Variants in TSNAX observed in about 807,000 individuals in gnomAD.
The protein encoded by TSNAX is translin associated factor X.
A neutral mutation model predicts 33.0 loss-of-function variants in TSNAX; 12 were observed. The ratio of observed to expected loss-of-function variants is 0.36; its 90% CI spans 0.23 to 0.59. TSNAX has a LOEUF of 0.59. TSNAX is among the 20% of genes least tolerant of loss of function. The pLI is 0.74. For missense variants in TSNAX, 267 were observed against 341.3 expected, an observed-to-expected ratio of 0.78 and a Z score of 1.72; for synonymous variants, 110 against 117.2, an observed-to-expected ratio of 0.94 and a Z score of 0.40.
intron 2 of TSNAX, among the ~76,000 whole-genome samples, chr1:231,531,339 G>C (rs933665316): frequency 6.6e-6 from 1 of 152,104 alleles, no homozygotes; most frequent in Non-Finnish European, 1.5e-5. Context: ...AAGCCGACTT[G>C]GTGACCAACA....
At chr1:231,536,592 ATAT>A (rs1659191060) in intron 2 of TSNAX, 1 of 152,192 alleles carries the variant, frequency 6.6e-6, no homozygotes. Context: ...AAATTATTAG[ATAT>A]TTAGTTTTAA....
At chr1:231,543,252 A>G (rs1659694113) in intron 4 of TSNAX, among the ~76,000 whole-genome samples, 1 of 151,814 alleles carries the variant, frequency 6.6e-6, no homozygotes, top group Non-Finnish European at 1.5e-5. Context: ...ATAAATGTAT[A>G]AAGTGCTTGG....
chr1:231,538,456 C>T (rs1444435431), intron 3 of TSNAX, among the ~76,000 whole-genome samples: 1 of 152,198 alleles, frequency 6.6e-6, no homozygotes, highest in Non-Finnish European at 1.5e-5. Context: ...TCTCCATCTT[C>T]CATCTTTGCT....
intron 2 of TSNAX, chr1:231,534,233 T>TG (rs1220539064): frequency 6.6e-6 from 1 of 152,150 alleles, no homozygotes. Context: ...TTGTTCTTTT[T>TG]GGGGGTATTG....
chr1:231,559,985 A>ATTATTT (rs1553268936), intron 4 of TSNAX, among the ~76,000 whole-genome samples: 1 of 142,344 alleles, frequency 7.0e-6, no homozygotes, highest in Admixed American at 7.0e-5. Flanking sequence ...TATTATTATT[A>ATTATTT]TTTTTTTTTT....
chr1:231,541,590 A>G (rs1358058214), intron 3 of TSNAX, among the ~76,000 whole-genome samples: 1 of 116,594 alleles, frequency 8.6e-6, no homozygotes, highest in Non-Finnish European at 1.7e-5. Flanking sequence ...TTTAAAAATA[A>G]GAAAAATATT....
At chr1:231,539,536 C>T (rs1157885041) in intron 3 of TSNAX, among the ~76,000 whole-genome samples, 1 of 152,112 alleles carries the variant, frequency 6.6e-6, no homozygotes, top group African/African-American at 2.4e-5. Flanking sequence ...GACAGGAGAC[C>T]TTAATATTTT....
In TSNAX at chr1:231,545,126, G is replaced by A. The variant is rs200103244; in HGVS notation, c.367+2515G>A. Among the ~76,000 whole-genome samples, 254 of 152,230 alleles carry A rather than the reference G, an allele frequency of 1.7e-3. 3 individuals are homozygous for A. Among genetic ancestry groups the A allele is most frequent in the Middle Eastern group, 6.8e-3 (2 of 294 alleles). On this transcript the variant is annotated intron_variant, in intron 4 of 5. Transcript: ENST00000366639. ...GTCAAGTAAAGAGGTGTCTAGGACCGAAAATTTTGCTGACAGATATTTTAT... is the reference window on the plus strand; with the variant it reads ...GTCAAGTAAAGAGGTGTCTAGGACCAAAAATTTTGCTGACAGATATTTTAT...
intron 4 of TSNAX, among the ~76,000 whole-genome samples, chr1:231,546,682 C>T (rs959739089): frequency 5.9e-5 from 9 of 152,184 alleles, no homozygotes; most frequent in African/African-American, 7.2e-5. Flanking sequence ...TAAACTGTGA[C>T]GTTGCAGTGA....
chr1:231,551,661 G>T (rs986498955), intron 4 of TSNAX, among the ~76,000 whole-genome samples: 1 of 151,728 alleles, frequency 6.6e-6, no homozygotes, highest in Non-Finnish European at 1.5e-5. Flanking sequence ...TCGTTCTTCA[G>T]TGCTGATGTA....
At chr1:231,563,903 T>G (rs1478557092) in intron 5 of TSNAX, among the ~76,000 whole-genome samples, 5 of 152,058 alleles carry the variant, frequency 3.3e-5, no homozygotes, top group Admixed American at 1.3e-4. Context: ...GACTCTGCAG[T>G]TGTGATTACC....
chr1:231,529,192 A>G (rs988765364), intron 1 of TSNAX, 63 bp from the exon 2 acceptor site: 13 of 1,536,450 alleles, frequency 8.5e-6, no homozygotes, highest in Admixed American at 3.5e-5. Context: ...AGGTTTGTCT[A>G]TGTTGTGTTT....
rs569720948 is a variant in TSNAX, at chr1:231,557,094, A to G, written c.368-4034A>G. Among the ~76,000 whole-genome samples, 3 of 152,266 alleles carry G rather than the reference A, an allele frequency of 2.0e-5. No individual in the cohort carries two copies. In the East Asian group the frequency reaches 5.8e-4, roughly 29 times the overall value. On this transcript the variant is annotated intron_variant, in intron 4 of 5. Transcript: ENST00000366639. ...AGAATTGGCAAAACTTGAGAGAACC[A>G]GGTTTGGAAGGAAGGTAGTGAGTTC...
intron 5 of TSNAX, among the ~76,000 whole-genome samples, chr1:231,562,473 T>C (rs1661180906): frequency 6.6e-6 from 1 of 152,118 alleles, no homozygotes; most frequent in South Asian, 2.1e-4. Context: ...TTTCTTCATA[T>C]TTTTTATTCA....
In TSNAX at chr1:231,552,777, C is replaced by T. The variant is rs144368719; in HGVS notation, c.368-8351C>T. Among the ~76,000 whole-genome samples the T allele has an allele frequency of 6.1e-3, 923 of 152,308 alleles. 9 individuals are homozygous for T. The highest frequency in any genetic ancestry group is 0.021 in the African/African-American group (878 of 41,564). The stretch of plus-strand genomic sequence containing the variant: ...CCTAATACCAGGGTTAGCCCCTGGT[C>T]ACCACTAATCTACTTTTGTCTCTAT... On this transcript the variant is annotated intron_variant, in intron 4 of 5. Coordinates refer to ENST00000366639, the MANE Select transcript of TSNAX (RefSeq NM_005999.3).
At chr1:231,547,066 A>G (rs1659963858) in intron 4 of TSNAX, among the ~76,000 whole-genome samples, 1 of 152,228 alleles carries the variant, frequency 6.6e-6, no homozygotes, top group South Asian at 2.1e-4. Flanking sequence ...TCTGCCTGAT[A>G]TGGTAATTTG....
chr1:231,532,039 T>G (rs923915385), intron 2 of TSNAX, among the ~76,000 whole-genome samples: 35 of 149,516 alleles, frequency 2.3e-4, no homozygotes, highest in Admixed American at 1.1e-3. Flanking sequence ...GCCACTGCAC[T>G]CCAGGCTGGG....
rs745744924 is a variant in TSNAX at position 231,532,131 on chromosome 1, AACACACACACACACACACACACACAC to A, written c.121+2802_121+2827del. On this transcript the variant is annotated intron_variant, in intron 2 of 5. Coordinates refer to ENST00000366639, the MANE Select transcript of TSNAX (RefSeq NM_005999.3). ...CGTTAATTAGCTTAATAGTGGTAAT[AACACACACACACACACACACACACAC>A]ACACACACACACACACACACACACA... 8.1e-3 allele frequency among the ~76,000 whole-genome samples: 691 copies of A among 85,178 alleles called. 8 individuals are homozygous for A. The highest frequency in any genetic ancestry group is 0.028 in the South Asian group (47 of 1,676). 55.9% of individuals were successfully genotyped at this position (85,178 alleles called of 152,430 possible).
intron 4 of TSNAX, among the ~76,000 whole-genome samples, chr1:231,554,850 T>G (rs1660585583): frequency 6.6e-6 from 1 of 152,190 alleles, no homozygotes; most frequent in African/African-American, 2.4e-5. Context: ...TTCTAGAAAC[T>G]TTCACTATTT....
Sources: gnomAD v4.1 joint callset for allele counts (sites outside exome capture counted in the v4.1 genomes callset) on GRCh38, gnomAD v4.1.1 for gene constraint, MANE v1.5 for transcripts, NCBI Gene and HGNC (gene_info 2026-07-23, HGNC 2026-07-21) for gene names.